The following UGGT1 variants were observed in gnomAD, a reference collection of about 807,000 sequenced individuals.
UGGT1 encodes the protein UDP-glucose glycoprotein glucosyltransferase 1, also known as UDP-glucose:glycoprotein glucosyltransferase 1.
UGGT1 carries 107 observed loss-of-function variants against 203.9 expected under a neutral mutation model. The observed-to-expected ratio is 0.52, with a 90% confidence interval of 0.45 to 0.62. The LOEUF is 0.62. Ranked by LOEUF, UGGT1 falls within the 20% of genes least tolerant of loss-of-function variation. The probability of loss-of-function intolerance (pLI) is 0.00; values close to 1 mark genes in which losing one functional copy is unlikely to be tolerated. For missense variants in UGGT1, 1,673 were observed against 1,867.2 expected, an observed-to-expected ratio of 0.90 and a Z score of 1.92; for synonymous variants, 628 against 653.5, an observed-to-expected ratio of 0.96 and a Z score of 0.59.
At chr2:128,182,698 C>CAAAAAAAAAAAAAAAA (rs70988612) in intron 37 of UGGT1, among the ~76,000 whole-genome samples, 1 of 118,300 alleles carries the variant, frequency 8.5e-6, no homozygotes, top group Non-Finnish European at 1.7e-5. Flanking sequence ...GATTCCATCT[C>CAAAAAAAAAAAAAAAA]AAAAAAAAAA....
chr2:128,113,302 C>G, intron 6 of UGGT1, 44 bp downstream of exon 6: 1 of 1,470,308 alleles, frequency 6.8e-7, no homozygotes, highest in Non-Finnish European at 9.2e-7. Context: ...TGTAATTTGC[C>G]TAGCATGACT....
intron 11 of UGGT1, among the ~76,000 whole-genome samples, chr2:128,126,089 G>A (rs1467103666): frequency 1.3e-5 from 2 of 151,240 alleles, no homozygotes; most frequent in Admixed American, 6.6e-5. Context: ...CTACAGGCGC[G>A]TGCCACCACG....
chr2:128,093,781 T>C (rs761078645), intron 1 of UGGT1, among the ~76,000 whole-genome samples: 1 of 152,216 alleles, frequency 6.6e-6, no homozygotes, highest in Non-Finnish European at 1.5e-5. Flanking sequence ...TTAGGCAAGG[T>C]ACTCAGCATC....
At chr2:128,106,317 TATTA>T (rs989630616) in intron 3 of UGGT1, among the ~76,000 whole-genome samples, 6 of 152,264 alleles carry the variant, frequency 3.9e-5, no homozygotes, top group African/African-American at 9.6e-5. Context: ...AAAATGATAA[TATTA>T]ATTAAAGCTA....
intron 17 of UGGT1, chr2:128,145,551 C>T (rs1689647453): frequency 2.6e-6 from 1 of 381,340 alleles, no homozygotes. Flanking sequence ...CACACACACG[C>T]ACTTCATAAT....
chr2:128,126,230 T>C (rs1041851928), intron 11 of UGGT1, among the ~76,000 whole-genome samples: 2 of 150,708 alleles, frequency 1.3e-5, no homozygotes, highest in Non-Finnish European at 3.0e-5. Context: ...GCATGAACCA[T>C]CATGCTTGAC....
chr2:128,134,586 GT>G (rs1558781069), intron 14 of UGGT1, among the ~76,000 whole-genome samples: 1 of 152,208 alleles, frequency 6.6e-6, no homozygotes. Context: ...AGGTGAGAGA[GT>G]TGCTAAACTT....
chr2:128,104,864 C>T (rs918838232), intron 3 of UGGT1, among the ~76,000 whole-genome samples: 1 of 152,088 alleles, frequency 6.6e-6, no homozygotes, highest in Admixed American at 6.6e-5. Context: ...CCAGGCTGGT[C>T]TCGAACTTTT....
At chr2:128,105,515 T>TATTTTATTTTATTTTATTTG (rs1687566081) in intron 3 of UGGT1, among the ~76,000 whole-genome samples, 1 of 144,804 alleles carries the variant, frequency 6.9e-6, no homozygotes, top group African/African-American at 2.5e-5. Flanking sequence ...TATTTTATTT[T>TATTTTATTTTATTTTATTTG]ATTTTATTTA....
chr2:128,133,331 A>G (rs1688974191), intron 14 of UGGT1, 71 bp downstream of exon 14: 2 of 1,576,932 alleles, frequency 1.3e-6, no homozygotes, highest in Non-Finnish European at 1.7e-6. Flanking sequence ...TTTGTCATGT[A>G]GAATGGTCAC....
At chr2:128,101,122 A>T (rs908133912) in intron 2 of UGGT1, among the ~76,000 whole-genome samples, 3 of 152,186 alleles carry the variant, frequency 2.0e-5, no homozygotes, top group African/African-American at 4.8e-5. Context: ...CCAAGGTAAT[A>T]CGACATGTAG....
rs1352202837 is a variant in UGGT1, at chr2:128,091,416, G to T, written c.58+1G>T. The T allele has an allele frequency of 6.3e-7, 1 of 1,580,898 alleles. No individual in the cohort carries two copies. ...GCCGCGGGTGCGCTGCCGGTGACAG[G>T]TACCCAGGGGTGGCGTGAGGAGGCC... On this transcript the variant is annotated splice_donor_variant, in intron 1 of 40. Transcript: ENST00000259253. LOFTEE classifies it high-confidence loss of function.
Position 128,159,630 on chromosome 2 carries a change from C to T in UGGT1, c.2472C>T (p.Asn824=), listed in dbSNP as rs138775101. Residue 824 remains asparagine, a synonymous_variant, in exon 23 of 41, where the codon AAC becomes AAT. Coordinates refer to ENST00000259253, the MANE Select transcript of UGGT1 (RefSeq NM_020120.4). ...IWAALQTQTS[N]AAKNFITKMA... ...CAGCTCTCCAAACTCAGACTTCCAA[C>T]GCTGCTAAGAACTTCATCACCAAAA... is the stretch of plus-strand genomic sequence containing the variant. 34 of 1,614,046 alleles carry T rather than the reference C, an allele frequency of 2.1e-5. No individual in the cohort carries two copies. Among genetic ancestry groups the T allele is most frequent in the African/African-American group, 1.3e-4 (10 of 74,916 alleles).
chr2:128,149,644 G>A (rs1239494733), intron 18 of UGGT1, among the ~76,000 whole-genome samples: 1 of 151,804 alleles, frequency 6.6e-6, no homozygotes, highest in Non-Finnish European at 1.5e-5. Flanking sequence ...ATGGTGGCGG[G>A]CGCCTGTAGT....
chr2:128,142,641 G>T (rs921170333), intron 16 of UGGT1, among the ~76,000 whole-genome samples: 1 of 150,536 alleles, frequency 6.6e-6, no homozygotes, highest in Admixed American at 6.7e-5. Context: ...TCTTAGTAAG[G>T]TATATGGAAA....
At chr2:128,164,867 A>T (rs775710660) in intron 26 of UGGT1, 42 bp downstream of exon 26, 3 of 1,460,318 alleles carry the variant, frequency 2.1e-6, no homozygotes, top group Non-Finnish European at 2.8e-6. Context: ...CTTGAATATT[A>T]AACTCTTATG....
At chr2:128,186,608 C>CAATAAATA in intron 38 of UGGT1, 75 bp from the exon 39 acceptor site, 1 of 1,285,116 alleles carries the variant, frequency 7.8e-7, no homozygotes. Context: ...CCCCATCTCT[C>CAATAAATA]AATAAATAAA....
chr2:128,182,076 C>T lies in UGGT1; in HGVS notation c.4084-54C>T, dbSNP rs866953019. ...GAGCCACTCTGTATCTGAAGGAAAC[C>T]GCATTAGAGCTGTCTGCATGGTTGC... On this transcript the variant is annotated intron_variant, in intron 36 of 40. Transcript: ENST00000259253. The T allele has an allele frequency of 1.6e-4, 246 of 1,563,470 alleles. No homozygotes were observed. The Middle Eastern group carries it at 2.8e-3, about 18-fold the overall frequency.
chr2:128,116,341 A>C lies in UGGT1; in HGVS notation c.870A>C (p.Leu290Phe). ...TTCAGGGGTTCCTCTTTGGAAAATT[A>C]AGGTATGTATGTTCTGTGTATTTTG... is the stretch of plus-strand genomic sequence containing the variant. ...DEVQGFLFGK[L>F]RDLHPDLEGQ... Residue 290 changes from leucine (L) to phenylalanine (F), a missense_variant and splice_region_variant, in exon 8 of 41, where the codon TTA becomes TTC. Physicochemically the swap from Leu to Phe is conservative, Grantham distance 22. This residue lies in a region of UGGT1 where 1,073 missense variants were observed against 1,078.7 expected (regional missense o/e 0.99). Transcript: ENST00000259253. The C allele has an allele frequency of 6.3e-7, 1 of 1,599,152 alleles. No homozygotes were observed. The highest frequency in any genetic ancestry group is 8.6e-7 in the Non-Finnish European group (1 of 1,166,612).
Sources: gnomAD v4.1 joint callset for allele counts (sites outside exome capture counted in the v4.1 genomes callset) on GRCh38, gnomAD v4.1.1 for gene constraint, gnomAD v4.1.1 regional missense constraint, MANE v1.5 for transcripts, NCBI Gene and HGNC (gene_info 2026-07-23, HGNC 2026-07-21) for gene names.